Variants in UTRN observed in about 807,000 individuals in gnomAD.
The protein encoded by UTRN is dystrophin-related protein 1.
A neutral mutation model predicts 463.9 loss-of-function variants in UTRN; 283 were observed. The ratio of observed to expected loss-of-function variants is 0.61; its 90% confidence interval spans 0.55 to 0.67. UTRN has a LOEUF of 0.67. Among genes scored for constraint, UTRN ranks in the 30% least tolerant of loss-of-function variants. UTRN has a pLI of 0.00. For missense variants in UTRN, 3,922 were observed against 4,084.3 expected (o/e 0.96, Z 1.08); for synonymous variants, 1,442 against 1,431.5 (o/e 1.01, Z -0.17).
intron 2 of UTRN, among the ~76,000 whole-genome samples, chr6:144,338,822 G>A (rs58684675): frequency 0.065 from 9,877 of 152,150 alleles, 1,028 homozygotes; most frequent in African/African-American, 0.22. Context: ...GAAGACCTCC[G>A]AAAACCAGAA....
chr6:144,778,041 G>C (rs1775488386), intron 60 of UTRN, among the ~76,000 whole-genome samples: 1 of 152,108 alleles, frequency 6.6e-6, no homozygotes, highest in Non-Finnish European at 1.5e-5. Context: ...TTATAGAATG[G>C]GGAGCCATGA....
intron 43 of UTRN, among the ~76,000 whole-genome samples, chr6:144,536,339 A>G (rs1406193208): frequency 1.3e-5 from 2 of 152,224 alleles, no homozygotes; most frequent in African/African-American, 4.8e-5. Flanking sequence ...ACAAAGGCCT[A>G]TAATAGTATT....
intron 2 of UTRN, among the ~76,000 whole-genome samples, chr6:144,350,547 A>T (rs1189285289): frequency 6.6e-6 from 1 of 152,254 alleles, no homozygotes; most frequent in African/African-American, 2.4e-5. Context: ...TTTACTGTTA[A>T]ATCGTCATCT....
chr6:144,379,147 T>C (rs1434554347), intron 2 of UTRN, among the ~76,000 whole-genome samples: 4 of 152,222 alleles, frequency 2.6e-5, no homozygotes, highest in Non-Finnish European at 5.9e-5. Flanking sequence ...TAGTATGTGT[T>C]TATCTCTTGC....
At position 144,533,077 on chromosome 6, in the gene UTRN, T is replaced by A. The variant is rs1228998187; in HGVS notation, c.6058-8T>A. ...GTGAAACTAATCTTGAGTTGTGCTC[T>A]GTTACAGGAACTTGAGGTGGGCATC... On this transcript the variant is annotated splice_region_variant and splice_polypyrimidine_tract_variant and intron_variant, in intron 42 of 74. Transcript: ENST00000367545. 2.0e-6 allele frequency: 3 copies of A among 1,496,082 alleles called. No homozygotes were observed. In the South Asian group the frequency reaches 3.4e-5, roughly 17 times the overall value. The allele number at this position is 1,496,082 out of a possible 1,614,324, so 92.7% of individuals were successfully genotyped here. A position where few individuals can be genotyped will look rare whatever the true frequency, so the allele number is the denominator to read the frequency against.
At chr6:144,780,627 T>G (rs1245334252) in intron 60 of UTRN, among the ~76,000 whole-genome samples, 1 of 152,206 alleles carries the variant, frequency 6.6e-6, no homozygotes, top group East Asian at 1.9e-4. Flanking sequence ...AGTTAGTGAA[T>G]GAAAGACTTA....
At chr6:144,365,006 A>C (rs2114695991) in intron 2 of UTRN, among the ~76,000 whole-genome samples, 1 of 152,318 alleles carries the variant, frequency 6.6e-6, no homozygotes, top group East Asian at 1.9e-4. Flanking sequence ...ATTAGCAAAC[A>C]ATACTTTCAT....
chr6:144,403,262 A>G (rs1783086253), intron 3 of UTRN, 78 bp downstream of exon 3: 6 of 1,325,124 alleles, frequency 4.5e-6, no homozygotes, highest in African/African-American at 1.5e-5. Flanking sequence ...AGTGCAGTGA[A>G]TTTTCCCCAG....
intron 46 of UTRN, among the ~76,000 whole-genome samples, chr6:144,548,299 A>C (rs983490234): frequency 1.3e-5 from 2 of 152,230 alleles, no homozygotes; most frequent in Non-Finnish European, 2.9e-5. Flanking sequence ...AATGAAAAAA[A>C]TAAAAAATTA....
At chr6:144,586,176 A>G (rs1040561466) in intron 51 of UTRN, among the ~76,000 whole-genome samples, 1 of 151,974 alleles carries the variant, frequency 6.6e-6, no homozygotes, top group Non-Finnish European at 1.5e-5. Flanking sequence ...GAATATTCTC[A>G]TTTTGTGGGT....
chr6:144,630,982 G>C (rs1776445785), intron 51 of UTRN, among the ~76,000 whole-genome samples: 1 of 152,052 alleles, frequency 6.6e-6, no homozygotes, highest in African/African-American at 2.4e-5. Flanking sequence ...TCTCTTCCCT[G>C]CTTTGCCTTC....
intron 54 of UTRN, among the ~76,000 whole-genome samples, chr6:144,731,052 T>C (rs184439497): frequency 6.6e-6 from 1 of 150,768 alleles, no homozygotes; most frequent in Non-Finnish European, 1.5e-5. Flanking sequence ...TATTTAAACA[T>C]GTTATGTGAT....
At chr6:144,469,067 T>A (rs1790239838) in intron 23 of UTRN, among the ~76,000 whole-genome samples, 1 of 151,858 alleles carries the variant, frequency 6.6e-6, no homozygotes, top group Non-Finnish European at 1.5e-5. Flanking sequence ...GGCCTTTCCT[T>A]CTGTACCAAT....
chr6:144,849,291 A>G (rs954107776), intron 74 of UTRN, among the ~76,000 whole-genome samples: 5 of 152,150 alleles, frequency 3.3e-5, no homozygotes, highest in Non-Finnish European at 7.4e-5. Flanking sequence ...GCCCATTAAA[A>G]TTAGGGATAA....
chr6:144,660,012 T>G (rs1271852079), intron 51 of UTRN: 1 of 343,204 alleles, frequency 2.9e-6, no homozygotes, highest in East Asian at 7.4e-5. Context: ...AACTCCGAAG[T>G]CCATGAAAAA....
At chr6:144,692,540 C>T (rs1352476501) in intron 52 of UTRN, among the ~76,000 whole-genome samples, 1 of 152,274 alleles carries the variant, frequency 6.6e-6, no homozygotes, top group East Asian at 1.9e-4. Flanking sequence ...TTCTCCTCAA[C>T]CTTGTCAGCA....
chr6:144,774,113 G>T (rs1775095877), intron 59 of UTRN, among the ~76,000 whole-genome samples, 177 bp from the exon 60 acceptor site: 1 of 152,188 alleles, frequency 6.6e-6, no homozygotes, highest in South Asian at 2.1e-4. Context: ...TCTCAACATG[G>T]TGCTAATGAT....
rs1035474386 is a variant in UTRN, at chr6:144,569,383, T to TA, written c.7290-7707dup. On this transcript the variant is annotated intron_variant, in intron 50 of 74. Transcript: ENST00000367545. The stretch of plus-strand genomic sequence containing the variant: ...AATTTGATACCAGCTATATATGCAT[T>TA]AAAAAAAAATTCCAGGACACTTATC... 3.4e-4 allele frequency among the ~76,000 whole-genome samples: 52 copies of TA among 151,170 alleles called. No homozygotes were observed. In the East Asian group the frequency reaches 8.1e-3, roughly 24 times the overall value.
intron 3 of UTRN, among the ~76,000 whole-genome samples, chr6:144,414,873 A>G (rs1472770610): frequency 1.3e-5 from 2 of 152,112 alleles, no homozygotes; most frequent in Non-Finnish European, 2.9e-5. Context: ...GCACCACCAC[A>G]ACCAGCTAAT....
Sources: allele counts gnomAD v4.1 joint callset (sites outside exome capture counted in the v4.1 genomes callset), GRCh38; gene constraint gnomAD v4.1.1; transcripts MANE v1.5; gene names NCBI Gene and HGNC (gene_info 2026-07-23, HGNC 2026-07-21).